Variants in CEMIP observed in about 807,000 individuals in gnomAD.
CEMIP encodes cell migration-inducing and hyaluronan-binding protein.
In CEMIP, 105 loss-of-function variants were observed where a neutral mutation model predicts 156.9. The ratio of observed to expected loss-of-function variants is 0.67; its 90% CI spans 0.57 to 0.79. CEMIP has a LOEUF of 0.79. CEMIP is among the 30% of genes least tolerant of loss of function. The pLI, the probability that CEMIP is intolerant of heterozygous loss-of-function variation, is 0.00. For synonymous variants in CEMIP, 676 were observed against 668.4 expected (o/e 1.01, Z -0.17); for missense variants, 1,457 against 1,769.4 (o/e 0.82, Z 3.17).
chr15:80,795,824 G>A (rs1896210033), intron 1 of CEMIP, among the ~76,000 whole-genome samples: 1 of 152,222 alleles, frequency 6.6e-6, no homozygotes, highest in East Asian at 1.9e-4. Context: ...TGGCTACTTG[G>A]GAGGCTAAGG....
chr15:80,876,091 G>A (rs1407608372), intron 3 of CEMIP, among the ~76,000 whole-genome samples: 1 of 152,230 alleles, frequency 6.6e-6, no homozygotes. Context: ...AGTTGCAATG[G>A]CTCCTTCCCA....
chr15:80,893,849 T>TTG lies in CEMIP; in HGVS notation c.1087-1141_1087-1140insTG, dbSNP rs1555433432. Among the ~76,000 whole-genome samples the TTG allele has an allele frequency of 2.0e-5, 3 of 151,960 alleles. No homozygotes were observed. The East Asian group carries it at 5.8e-4, about 29-fold the overall frequency. On this transcript the variant is annotated intron_variant, in intron 10 of 29. Coordinates refer to ENST00000394685, the MANE Select transcript of CEMIP (RefSeq NM_001293298.2). ...AAAGTCTCCTCTTTTTTTTTTTTTT[T>TTG]GACTGGCTATACTTTCCTTCCTTAT...
At chr15:80,870,092 G>A (rs1432056095) in intron 1 of CEMIP, among the ~76,000 whole-genome samples, 2 of 152,198 alleles carry the variant, frequency 1.3e-5, no homozygotes, top group Admixed American at 6.5e-5. Flanking sequence ...TGGGGTACAA[G>A]TGGCCAGGTG....
chr15:80,873,783 C>G lies in CEMIP; in HGVS notation c.-16-81C>G, dbSNP rs374740449. ...CGTGTCTGTGTGTGTGCATGTGGCTCTGTTTATCTCCATGTCGGCCCTGTA... is the reference window on the plus strand; with the variant it reads ...CGTGTCTGTGTGTGTGCATGTGGCTGTGTTTATCTCCATGTCGGCCCTGTA... On this transcript the variant is annotated intron_variant, in intron 2 of 29. Transcript: ENST00000394685. The G allele has an allele frequency of 5.2e-4, 498 of 964,948 alleles. 2 individuals carry two copies. The South Asian group carries it at 6.7e-3, about 13-fold the overall frequency. The allele number at this position is 964,948 out of a possible 1,614,324, so 59.8% of individuals were successfully genotyped here. A position where few individuals can be genotyped will look rare whatever the true frequency, so the allele number is the denominator to read the frequency against.
At chr15:80,792,517 A>T (rs1162094893) in intron 1 of CEMIP, among the ~76,000 whole-genome samples, 1 of 152,168 alleles carries the variant, frequency 6.6e-6, no homozygotes, top group Non-Finnish European at 1.5e-5. Context: ...CTAAAATAGG[A>T]TGATTATATA....
At chr15:80,815,094 C>T (rs146561444) in intron 1 of CEMIP, among the ~76,000 whole-genome samples, 12 of 152,312 alleles carry the variant, frequency 7.9e-5, no homozygotes, top group Non-Finnish European at 1.8e-4. Flanking sequence ...TTGGAAAAAC[C>T]GGTCCAAGTA....
At chr15:80,786,048 A>G (rs1346519560) in intron 1 of CEMIP, among the ~76,000 whole-genome samples, 1 of 152,188 alleles carries the variant, frequency 6.6e-6, no homozygotes, top group Admixed American at 6.5e-5. Context: ...TTTAAAAACT[A>G]GATAAGAAGT....
chr15:80,912,725 C>T (rs1900116049), intron 14 of CEMIP, among the ~76,000 whole-genome samples: 1 of 152,222 alleles, frequency 6.6e-6, no homozygotes, highest in African/African-American at 2.4e-5. Flanking sequence ...TGTAAATGCT[C>T]CGCCACTGGG....
chr15:80,906,562 G>T lies in CEMIP; in HGVS notation c.1412-101G>T. ...GAGACCACTGTGCACACCAGGCATG[G>T]CGATGAGTAAGCAGCAGCCATGGAG... On this transcript the variant is annotated intron_variant, in intron 12 of 29. Coordinates refer to ENST00000394685, the MANE Select transcript of CEMIP (RefSeq NM_001293298.2). The surrounding 1 kb of genome is among the most constrained non-coding windows in gnomAD (Gnocchi z 4.3). 1 of 1,202,352 alleles carries T rather than the reference G, an allele frequency of 8.3e-7. No individual in the cohort carries two copies. The highest frequency in any genetic ancestry group is 1.2e-6 in the Non-Finnish European group (1 of 836,150). The allele number at this position is 1,202,352 out of a possible 1,614,324, so 74.5% of individuals were successfully genotyped here.
rs146175340 is a variant in CEMIP, at chr15:80,913,943, C to G, written c.1797+4637C>G. The stretch of plus-strand genomic sequence containing the variant: ...ATTCGCATCTTACAGAGCTGGTGTT[C>G]CGTAACACAGTTTGTAACAGAGAAG... On this transcript the variant is annotated intron_variant, in intron 14 of 29. Coordinates refer to ENST00000394685, the MANE Select transcript of CEMIP (RefSeq NM_001293298.2). Among the ~76,000 whole-genome samples the G allele has an allele frequency of 2.6e-5, 4 of 152,356 alleles. No individual in the cohort carries two copies. The East Asian group carries it at 7.7e-4, about 29-fold the overall frequency.
At chr15:80,946,883 T>C (rs949927873) in intron 28 of CEMIP, 82 bp from the exon 29 acceptor site, 4 of 904,058 alleles carry the variant, frequency 4.4e-6, no homozygotes, top group African/African-American at 3.3e-5. Flanking sequence ...AGTCCCACCA[T>C]GCACAAACCA....
In CEMIP at chr15:80,943,133, C is replaced by T. The variant is rs766940296; in HGVS notation, c.3857+31C>T. On this transcript the variant is annotated intron_variant, in intron 28 of 29. Coordinates refer to ENST00000394685, the MANE Select transcript of CEMIP (RefSeq NM_001293298.2). ...TCTGTACCTCTGCTTCTGGAATTGG[C>T]TGCTGGCACAGCAGACCCCTGGGCA... The T allele has an allele frequency of 2.5e-6, 4 of 1,613,294 alleles. No individual in the cohort carries two copies. The South Asian group carries it at 3.3e-5, about 13-fold the overall frequency.
chr15:80,927,123 C>T (rs1057395290), intron 19 of CEMIP, among the ~76,000 whole-genome samples: 6 of 152,206 alleles, frequency 3.9e-5, no homozygotes, highest in Non-Finnish European at 7.3e-5. Context: ...GCCACTGTGC[C>T]CAGCCGCAGG....
At chr15:80,889,689 C>G in intron 10 of CEMIP, 97 bp downstream of exon 10, 3 of 1,496,806 alleles carry the variant, frequency 2.0e-6, no homozygotes, top group Non-Finnish European at 2.8e-6. Flanking sequence ...TGCTGTGATT[C>G]TCGTTGCCCT....
At chr15:80,897,808 T>TA (rs1031752075) in intron 12 of CEMIP, among the ~76,000 whole-genome samples, 51 of 152,156 alleles carry the variant, frequency 3.4e-4, no homozygotes, top group African/African-American at 1.2e-3. Flanking sequence ...GAGCAGAAGA[T>TA]ACTAAAATAG....
intron 3 of CEMIP, among the ~76,000 whole-genome samples, chr15:80,875,393 T>A (rs1898442153): frequency 6.6e-6 from 1 of 152,166 alleles, no homozygotes; most frequent in Non-Finnish European, 1.5e-5. Context: ...AATTTATTCA[T>A]TTGTCTTTCT....
At chr15:80,780,618 T>C (rs568077061) in intron 1 of CEMIP, among the ~76,000 whole-genome samples, 2 of 152,268 alleles carry the variant, frequency 1.3e-5, no homozygotes, top group Admixed American at 1.3e-4. Flanking sequence ...GAGCTCCCTT[T>C]AAAAACTAAT....
chr15:80,902,925 A>G (rs763650830), intron 12 of CEMIP, among the ~76,000 whole-genome samples: 2 of 152,198 alleles, frequency 1.3e-5, no homozygotes, highest in Non-Finnish European at 2.9e-5. Context: ...TCATTTAACA[A>G]TCACAGCCAA....
intron 1 of CEMIP, among the ~76,000 whole-genome samples, chr15:80,838,654 C>T (rs189843780): frequency 6.6e-5 from 10 of 152,260 alleles, no homozygotes; most frequent in East Asian, 1.9e-4. Flanking sequence ...TAAAACCCCC[C>T]GTGTGATTTG....
Sources: allele counts gnomAD v4.1 joint callset (sites outside exome capture counted in the v4.1 genomes callset), GRCh38; gene constraint gnomAD v4.1.1; non-coding constraint Gnocchi (gnomAD v3.1); transcripts MANE v1.5; gene names NCBI Gene and HGNC (gene_info 2026-07-23, HGNC 2026-07-21).